Variants in BCL9 observed in about 807,000 individuals in gnomAD.
The protein encoded by BCL9 is B-cell CLL/lymphoma 9 protein.
A neutral mutation model predicts 88.5 loss-of-function variants in BCL9; 25 were observed. The ratio of observed to expected loss-of-function variants is 0.28; its 90% CI spans 0.21 to 0.39. The LOEUF is 0.39. BCL9 is among the 10% of genes least tolerant of loss of function. The pLI is 1.00. For synonymous variants in BCL9, 711 were observed against 673.3 expected (o/e 1.06, Z -0.87); for missense variants, 1,817 against 1,877.8 (o/e 0.97, Z 0.60).
chr1:147,566,644 T>C (rs983434761), intron 1 of BCL9, among the ~76,000 whole-genome samples: 27 of 151,750 alleles, frequency 1.8e-4, no homozygotes, highest in African/African-American at 6.3e-4. Context: ...TAGTCCCAGC[T>C]AGACGGGAGG....
intron 1 of BCL9, among the ~76,000 whole-genome samples, chr1:147,577,608 A>G (rs1656167306): frequency 6.6e-6 from 1 of 152,150 alleles, no homozygotes; most frequent in Non-Finnish European, 1.5e-5. Context: ...TTTTTGGCTT[A>G]GAAAATATAA....
chr1:147,605,819 C>T (rs1470764251), intron 2 of BCL9, among the ~76,000 whole-genome samples: 1 of 152,100 alleles, frequency 6.6e-6, no homozygotes, highest in African/African-American at 2.4e-5. Flanking sequence ...GATACTATGC[C>T]TTTTATGGAG....
intron 1 of BCL9, among the ~76,000 whole-genome samples, chr1:147,596,782 C>G (rs587643842): frequency 6.6e-6 from 1 of 152,176 alleles, no homozygotes; most frequent in South Asian, 2.1e-4. Flanking sequence ...TTATTAATGA[C>G]TCTCTTGGTA....
intron 1 of BCL9, among the ~76,000 whole-genome samples, chr1:147,567,536 G>A (rs941283630): frequency 1.3e-5 from 2 of 152,192 alleles, no homozygotes; most frequent in East Asian, 1.9e-4. Context: ...TTTTTAAGTC[G>A]AGCAAAAGCA....
In BCL9 at chr1:147,619,903, C is replaced by G. The variant is rs1331641481; in HGVS notation, c.1748C>G (p.Ser583Cys). ...GGGCCGAATGTCCCCAACCCTGCAT[C>G]TAGACCAGGTCTTTCTGGAGTCAGT... ...MEGPNVPNPA[S>C]RPGLSGVSWP... The change falls in exon 8 of 10, where the codon TCT becomes TGT. Residue 583 changes from serine (S) to cysteine (C), a missense_variant. This residue lies in a region of BCL9 where 1,228 missense variants were observed against 1,191.6 expected (regional missense o/e 1.03). Transcript: ENST00000234739. This position sits in a 1 kb window ranked among gnomAD's most constrained non-coding sequence, Gnocchi z 4.1. The G allele has an allele frequency of 3.7e-6, 6 of 1,614,204 alleles. No homozygotes were observed. Among genetic ancestry groups the G allele is most frequent in the Middle Eastern group, 1.6e-4 (1 of 6,062 alleles).
intron 1 of BCL9, among the ~76,000 whole-genome samples, chr1:147,555,451 AT>A (rs1655065684): frequency 6.6e-6 from 1 of 152,198 alleles, no homozygotes. Flanking sequence ...CTTTTAACGT[AT>A]TATTTGGTTA....
Position 147,620,309 on chromosome 1 carries a change from A to G in BCL9, c.2154A>G (p.Gly718=), listed in dbSNP as rs1404820955. The G allele has an allele frequency of 6.2e-7, 1 of 1,614,050 alleles. No individual in the cohort carries two copies. Among genetic ancestry groups the G allele is most frequent in the African/African-American group, 1.3e-5 (1 of 74,922 alleles). Reference sequence around the variant, plus strand: ...GGATGGTTCCTAGTGGGATGAAGGGAGATGTCAATCTAAATGTCAACATGG... The same window carrying G: ...GGATGGTTCCTAGTGGGATGAAGGGGGATGTCAATCTAAATGTCAACATGG... ...EFGMVPSGMK[G]DVNLNVNMGS... is the part of the protein sequence containing the mutation. Residue 718 remains glycine (G), a synonymous_variant, in exon 8 of 10, where the codon GGA becomes GGG. Coordinates refer to ENST00000234739, the MANE Select transcript of BCL9 (RefSeq NM_004326.4).
chr1:147,580,124 C>T (rs1309491564), intron 1 of BCL9, among the ~76,000 whole-genome samples: 1 of 152,154 alleles, frequency 6.6e-6, no homozygotes, highest in Non-Finnish European at 1.5e-5. Flanking sequence ...ATTGGAAGAA[C>T]TCTGGAGTCT....
intron 1 of BCL9, among the ~76,000 whole-genome samples, chr1:147,572,056 G>T (rs587734572): frequency 6.9e-6 from 1 of 145,678 alleles, no homozygotes; most frequent in Non-Finnish European, 1.5e-5. Context: ...TGGCTAACAC[G>T]GTGAAACCCC....
Position 147,590,621 on chromosome 1 carries a change from A to G in BCL9, c.-477-14156A>G, listed in dbSNP as rs1377627627. Reference sequence around the variant, plus strand: ...TTCAGGAATCACCACTCATCATCACATGACCTTGAACTAGTCTTGTAACTT... The same window carrying G: ...TTCAGGAATCACCACTCATCATCACGTGACCTTGAACTAGTCTTGTAACTT... On this transcript the variant is annotated intron_variant, in intron 1 of 9. Coordinates refer to ENST00000234739, the MANE Select transcript of BCL9 (RefSeq NM_004326.4). Among the ~76,000 whole-genome samples, 5 of 152,150 alleles carry G rather than the reference A, an allele frequency of 3.3e-5. No homozygotes were observed. In the South Asian group the frequency reaches 1.0e-3, roughly 32 times the overall value.
In BCL9 at chr1:147,583,257, T is replaced by TTTTA. The variant is rs202003460; in HGVS notation, c.-477-21502_-477-21499dup. Among the ~76,000 whole-genome samples the TTTTA allele has an allele frequency of 7.7e-3, 1,165 of 152,134 alleles. 15 individuals carry two copies. The highest frequency in any genetic ancestry group is 0.026 in the African/African-American group (1,064 of 41,502). On this transcript the variant is annotated intron_variant, in intron 1 of 9. Transcript: ENST00000234739. Reference sequence around the variant, plus strand: ...TTTTGCTTTTATTAGACTGTTTGCCTTTTATTTATTTATTTATTTATGTAT... The same window carrying TTTTA: ...TTTTGCTTTTATTAGACTGTTTGCCTTTTATTTATTTATTTATTTATTTATGTAT...
chr1:147,621,111 C>T (rs1186146521), intron 8 of BCL9, 54 bp downstream of exon 8: 2 of 1,494,038 alleles, frequency 1.3e-6, no homozygotes, highest in Admixed American at 2.1e-5. Context: ...ACTGCTAGAC[C>T]TGATAGTTAC....
intron 3 of BCL9, among the ~76,000 whole-genome samples, chr1:147,607,461 G>A (rs1354909713): frequency 6.6e-6 from 1 of 152,194 alleles, no homozygotes; most frequent in East Asian, 1.9e-4. Flanking sequence ...TCTAGTGGGA[G>A]AGATGAATGT....
chr1:147,561,302 G>A (rs1443708394), intron 1 of BCL9, among the ~76,000 whole-genome samples: 3 of 152,160 alleles, frequency 2.0e-5, no homozygotes, highest in East Asian at 1.9e-4. Flanking sequence ...CATGGATAGC[G>A]GGGAGGCACA....
At chr1:147,615,641 TAATG>T (rs1658239338) in intron 6 of BCL9, among the ~76,000 whole-genome samples, 158 bp from the exon 7 acceptor site, 5 of 152,262 alleles carry the variant, frequency 3.3e-5, no homozygotes, top group Admixed American at 2.0e-4. Flanking sequence ...TAAATATAAA[TAATG>T]AAACATGTTT....
chr1:147,609,321 A>T (rs965743929), intron 3 of BCL9, among the ~76,000 whole-genome samples: 3 of 152,200 alleles, frequency 2.0e-5, no homozygotes, highest in African/African-American at 7.2e-5. Context: ...AAAGGCTAAA[A>T]GTAGGGACAA....
intron 1 of BCL9, among the ~76,000 whole-genome samples, chr1:147,595,972 G>A (rs587773524): frequency 3.9e-5 from 6 of 152,238 alleles, no homozygotes; most frequent in Admixed American, 3.9e-4. Context: ...AGAGTAGGAG[G>A]CACAACCATA....
At position 147,599,475 on chromosome 1, in the gene BCL9, G is replaced by T. The variant is rs187529869; in HGVS notation, c.-477-5302G>T. On this transcript the variant is annotated intron_variant, in intron 1 of 9. Coordinates refer to ENST00000234739, the MANE Select transcript of BCL9 (RefSeq NM_004326.4). ...AATTCCACGCTGCCCTTCCCCCTCC[G>T]CGCCTTTCCTGGCCCCCCGCCCCCC... is the stretch of plus-strand genomic sequence containing the variant. Among the ~76,000 whole-genome samples, 99 of 142,324 alleles carry T rather than the reference G, an allele frequency of 7.0e-4. 2 individuals carry two copies. The East Asian group carries it at 9.8e-3, about 14-fold the overall frequency. The allele number at this position is 142,324 out of a possible 152,430, so 93.4% of individuals were successfully genotyped here.
At chr1:147,586,541 C>T (rs782492150) in intron 1 of BCL9, among the ~76,000 whole-genome samples, 7 of 152,176 alleles carry the variant, frequency 4.6e-5, no homozygotes, top group Non-Finnish European at 7.3e-5. Flanking sequence ...AACTTTACTG[C>T]GCATCAAGAG....
Sources: gnomAD v4.1 joint callset for allele counts (sites outside exome capture counted in the v4.1 genomes callset) on GRCh38, gnomAD v4.1.1 for gene constraint, gnomAD v4.1.1 regional missense constraint, Gnocchi (gnomAD v3.1) non-coding constraint, MANE v1.5 for transcripts, NCBI Gene and HGNC (gene_info 2026-07-23, HGNC 2026-07-21) for gene names.